Variants in NLRP2 observed in about 807,000 individuals in gnomAD.
The protein encoded by NLRP2 is NLR family pyrin domain containing 2.
A neutral mutation model predicts 97.2 loss-of-function variants in NLRP2; 107 were observed. The ratio of observed to expected loss-of-function variants is 1.10; its 90% CI spans 0.94 to 1.29. NLRP2 has a LOEUF of 1.29. NLRP2 is among the 50% of genes most tolerant of loss of function. The probability of loss-of-function intolerance (pLI) is 0.00; values close to 1 mark genes in which losing one functional copy is unlikely to be tolerated. For synonymous variants in NLRP2, 663 were observed against 551.5 expected, an observed-to-expected ratio of 1.20 and a Z score of -2.83; for missense variants, 1,495 against 1,330.3, an observed-to-expected ratio of 1.12 and a Z score of -1.93.
At chr19:54,977,113 A>G (rs991395292) in intron 3 of NLRP2, among the ~76,000 whole-genome samples, 1 of 152,004 alleles carries the variant, frequency 6.6e-6, no homozygotes, top group Admixed American at 6.6e-5. Flanking sequence ...TGCCCGGCTG[A>G]TTCCACCTTG....
intron 6 of NLRP2, among the ~76,000 whole-genome samples, chr19:54,984,329 G>GTGTTTTTTTTTTT: frequency 2.3e-4 from 18 of 79,678 alleles, no homozygotes; most frequent in Middle Eastern, 8.8e-3. Context: ...TTTTTTTTGT[G>GTGTTTTTTTTTTT]TTTTTTTTTT....
chr19:54,999,802 T>G (rs1307592991), intron 12 of NLRP2, among the ~76,000 whole-genome samples: 3 of 152,106 alleles, frequency 2.0e-5, no homozygotes, highest in African/African-American at 7.2e-5. Flanking sequence ...AGGGGCCCGA[T>G]CTCAGCTCAC....
chr19:54,990,382 G>T, intron 9 of NLRP2, 120 bp from the exon 10 acceptor site: 1 of 1,143,178 alleles, frequency 8.7e-7, no homozygotes, highest in South Asian at 1.2e-5. Flanking sequence ...GATCACCAGT[G>T]CATGATAGAA....
At chr19:54,998,979 CAGA>C (rs1029939845) in intron 12 of NLRP2, among the ~76,000 whole-genome samples, 17 of 151,914 alleles carry the variant, frequency 1.1e-4, no homozygotes, top group African/African-American at 2.7e-4. Flanking sequence ...GATCCCAAGG[CAGA>C]AGAATTTTTC....
In NLRP2 at chr19:54,983,512, T is replaced by C; in HGVS notation, c.1814T>C (p.Leu605Pro). Residue 605 changes from leucine (L) to proline (P), a missense_variant, in exon 6 of 13, where the codon CTC (leucine) becomes CCC (proline). Physicochemically the swap from Leu to Pro is moderately conservative, Grantham distance 98. Transcript: ENST00000448584. ...TCAACGGTGACAGACCTGCAGGAGCTCCTCGGCTGTCTGTACGAGTCTCAG... is the reference window on the plus strand; with the variant it reads ...TCAACGGTGACAGACCTGCAGGAGCCCCTCGGCTGTCTGTACGAGTCTCAG... ...GHSTVTDLQELLGCLYESQEE... is the reference protein window; with the variant it reads ...GHSTVTDLQEPLGCLYESQEE... 1 of 1,614,138 alleles carries C rather than the reference T, an allele frequency of 6.2e-7. No individual in the cohort carries two copies. Among genetic ancestry groups the C allele is most frequent in the East Asian group, 2.2e-5 (1 of 44,880 alleles).
intron 11 of NLRP2, among the ~76,000 whole-genome samples, chr19:54,996,124 G>C (rs1251254848): frequency 6.6e-6 from 1 of 151,568 alleles, no homozygotes; most frequent in African/African-American, 2.4e-5. Context: ...TGAGTTGCTG[G>C]TTGGCCCAGG....
At position 54,981,517 on chromosome 19, in the gene NLRP2, T is replaced by TCCCCCCCCCCCCCCCCC; in HGVS notation, c.398-93_398-92insCCCCCCCCCCCCCCCCC. On this transcript the variant is annotated intron_variant, in intron 4 of 12. Coordinates refer to ENST00000448584, the MANE Select transcript of NLRP2 (RefSeq NM_017852.5). ...GCTTTATCTGATCCCGTGCCCCCCCTCCCCCCCGCCCCATCAGCCTGCCTC... is the reference window on the plus strand; with the variant it reads ...GCTTTATCTGATCCCGTGCCCCCCCTCCCCCCCCCCCCCCCCCCCCCCCCGCCCCATCAGCCTGCCTC... 1.8e-5 allele frequency: 5 copies of TCCCCCCCCCCCCCCCCC among 274,194 alleles called. 1 individual carries two copies. Among genetic ancestry groups the TCCCCCCCCCCCCCCCCC allele is most frequent in the East Asian group, 9.6e-5 (1 of 10,390 alleles). 17.0% of individuals were successfully genotyped at this position (274,194 alleles called of 1,614,324 possible).
intron 2 of NLRP2, among the ~76,000 whole-genome samples, chr19:54,973,124 G>A (rs2070972226): frequency 6.6e-6 from 1 of 151,726 alleles, no homozygotes; most frequent in East Asian, 1.9e-4. Flanking sequence ...CAGAGAGTCA[G>A]AGGTTGCAGT....
At position 54,987,397 on chromosome 19, in the gene NLRP2, A is replaced by G. The variant is rs184785686; in HGVS notation, c.2366+1082A>G. On this transcript the variant is annotated intron_variant, in intron 8 of 12. Coordinates refer to ENST00000448584, the MANE Select transcript of NLRP2 (RefSeq NM_017852.5). ...GGCTGCCCAGGCGATGAGAACCTAC[A>G]TGCATCATGGGGTTCCATGAAGCCT... 3.4e-3 allele frequency among the ~76,000 whole-genome samples: 523 copies of G among 152,242 alleles called. 3 individuals carry two copies. Among genetic ancestry groups the G allele is most frequent in the African/African-American group, 0.012 (499 of 41,550 alleles).
rs554329585 is a variant in NLRP2, at chr19:54,977,426, A to G, written c.326-326A>G. ...ACAAGAGCAAAACTACATCTCAAAA[A>G]AAAAGAAAAACTAGGCAGTTAATCC... On this transcript the variant is annotated intron_variant, in intron 3 of 12. Transcript: ENST00000448584. Among the ~76,000 whole-genome samples the G allele has an allele frequency of 2.0e-3, 298 of 151,976 alleles. 2 individuals carry two copies. Among genetic ancestry groups the G allele is most frequent in the African/African-American group, 7.0e-3 (292 of 41,466 alleles).
chr19:54,975,106 G>GTTTTGT (rs2071120773), intron 3 of NLRP2, among the ~76,000 whole-genome samples: 1 of 58,674 alleles, frequency 1.7e-5, no homozygotes, highest in Admixed American at 2.5e-4. Flanking sequence ...ACCCGGTTTT[G>GTTTTGT]TTTTTTTTTT....
chr19:54,990,166 C>A lies in NLRP2; in HGVS notation c.2511C>A (p.His837Gln). ...GAKLLYTTLR[H>Q]PKCFLQRLSL... ...AGTTGCTGTACACAACTTTGAGACA[C>A]CCCAAGTGCTTTCTGCAGAGGTTGT... The change falls in exon 9 of 13, where the codon CAC becomes CAA. Residue 837 changes from histidine to glutamine, a missense_variant. His to Gln is a conservative substitution (Grantham distance 24). Transcript: ENST00000448584. 1.2e-6 allele frequency: 2 copies of A among 1,614,116 alleles called. No homozygotes were observed. Among genetic ancestry groups the A allele is most frequent in the Non-Finnish European group, 1.7e-6 (2 of 1,180,030 alleles).
At chr19:54,965,541 C>T (rs1235907887), upstream of NLRP2, among the ~76,000 whole-genome samples, 1 of 92,644 alleles carries the variant, frequency 1.1e-5, no homozygotes, top group African/African-American at 4.6e-5. Flanking sequence ...CTGCAAGCTC[C>T]GCCTCCCGGG....
Position 54,982,737 on chromosome 19 carries a change from C to G in NLRP2, c.1039C>G (p.Leu347Val), listed in dbSNP as rs769589997. The G allele has an allele frequency of 7.4e-6, 12 of 1,614,066 alleles. No individual in the cohort carries two copies. Among genetic ancestry groups the G allele is most frequent in the Non-Finnish European group, 1.0e-5 (12 of 1,179,976 alleles). The change falls in exon 6 of 13, where the codon CTG becomes GTG. Residue 347 changes from leucine (L) to valine (V), a missense_variant. Coordinates refer to ENST00000448584, the MANE Select transcript of NLRP2 (RefSeq NM_017852.5). ...RPRALRDLRI[L>V]AEEPIYIRVE... ...CAGGGCCCTGAGGGACCTCCGGATC[C>G]TGGCGGAGGAGCCGATCTACATAAG...
intron 11 of NLRP2, among the ~76,000 whole-genome samples, chr19:54,996,141 AGG>A (rs1211140873): frequency 6.6e-6 from 1 of 151,986 alleles, no homozygotes; most frequent in African/African-American, 2.4e-5. Flanking sequence ...CAGGAGGTCA[AGG>A]CTGCAGTGAG....
At chr19:54,996,562 C>G (rs1410015137) in intron 11 of NLRP2, among the ~76,000 whole-genome samples, 1 of 152,092 alleles carries the variant, frequency 6.6e-6, no homozygotes, top group African/African-American at 2.4e-5. Flanking sequence ...CAGTGCTTCC[C>G]TATGTCAATC....
At chr19:54,974,072 G>A (rs1015591445) in intron 2 of NLRP2, 7 of 1,003,820 alleles carry the variant, frequency 7.0e-6, no homozygotes, top group African/African-American at 3.2e-5. Flanking sequence ...AAAGATACAA[G>A]CAGCCAAGCG....
intron 1 of NLRP2, among the ~76,000 whole-genome samples, chr19:54,967,527 G>GT (rs976551180): frequency 1.3e-5 from 2 of 152,106 alleles, no homozygotes; most frequent in Admixed American, 6.6e-5. Flanking sequence ...TGGGGAAAGA[G>GT]TAGCAGATGC....
At chr19:54,992,556 C>CTTTTTTTTTTTTT (rs71181721) in intron 10 of NLRP2, among the ~76,000 whole-genome samples, 1 of 82,520 alleles carries the variant, frequency 1.2e-5, no homozygotes, top group East Asian at 4.8e-4. Context: ...GGGGGGTTTT[C>CTTTTTTTTTTTTT]TTTTTTTTTT....
Sources: gnomAD v4.1 joint callset for allele counts (sites outside exome capture counted in the v4.1 genomes callset) on GRCh38, gnomAD v4.1.1 for gene constraint, MANE v1.5 for transcripts, NCBI Gene and HGNC (gene_info 2026-07-23, HGNC 2026-07-21) for gene names.